The following MPDZ variants were observed in gnomAD, a reference collection of about 807,000 sequenced individuals.
MPDZ encodes multiple PDZ domain protein.
A neutral mutation model predicts 239.1 loss-of-function variants in MPDZ; 234 were observed. The ratio of observed to expected loss-of-function variants is 0.98; its 90% confidence interval spans 0.88 to 1.09. The LOEUF is 1.09. Among genes scored for constraint, MPDZ ranks in the 50% least tolerant of loss-of-function variants. The pLI is 0.00. For synonymous variants in MPDZ, 1,048 were observed against 881.3 expected, an observed-to-expected ratio of 1.19 and a Z score of -3.35; for missense variants, 3,175 against 2,510.0, an observed-to-expected ratio of 1.26 and a Z score of -5.66.
intron 26 of MPDZ, among the ~76,000 whole-genome samples, chr9:13,144,742 A>G (rs1376251018): frequency 6.6e-6 from 1 of 152,218 alleles, no homozygotes; most frequent in East Asian, 1.9e-4. Flanking sequence ...GAGGGAAGAC[A>G]GGAAAAAGAA....
At chr9:13,175,640 C>G (rs547048611) in intron 21 of MPDZ, 112 bp downstream of exon 21, 1 of 1,122,450 alleles carries the variant, frequency 8.9e-7, no homozygotes, top group Non-Finnish European at 1.3e-6. Context: ...AGGAAAATTT[C>G]TACCATCTGT....
intron 22 of MPDZ, 57 bp downstream of exon 22, chr9:13,168,309 T>C: frequency 6.7e-7 from 1 of 1,492,314 alleles, no homozygotes; most frequent in Non-Finnish European, 9.3e-7. Context: ...AAAAGAATTC[T>C]GATTAATTGA....
At chr9:13,193,883 C>T (rs1955281985) in intron 13 of MPDZ, among the ~76,000 whole-genome samples, 1 of 151,844 alleles carries the variant, frequency 6.6e-6, no homozygotes, top group Non-Finnish European at 1.5e-5. Flanking sequence ...CTACTTTATC[C>T]CTTTTATTTT....
chr9:13,165,428 C>G, intron 22 of MPDZ: 1 of 1,548,314 alleles, frequency 6.5e-7, no homozygotes, highest in South Asian at 1.2e-5. Context: ...GAAGCATACG[C>G]CGCGGCATCT....
intron 11 of MPDZ, 83 bp downstream of exon 11, chr9:13,205,833 G>C (rs1956923020): frequency 3.2e-6 from 4 of 1,255,604 alleles, no homozygotes; most frequent in Non-Finnish European, 4.3e-6. Flanking sequence ...GAACCATTCT[G>C]AAATAGTAAG....
Position 13,150,567 on chromosome 9 carries a change from C to G in MPDZ, c.3574G>C (p.Glu1192Gln). 1 of 1,571,536 alleles carries G rather than the reference C, an allele frequency of 6.4e-7. No individual in the cohort carries two copies. Among genetic ancestry groups the G allele is most frequent in the Non-Finnish European group, 8.6e-7 (1 of 1,157,196 alleles). ...CCATTTTTGCCAGCTGGACTATCTT[C>G]CAGAACATGTTTGATGAAAATGCCC... The part of the protein sequence containing the change: ...MRGIFIKHVL[E>Q]DSPAGKNGTL... Residue 1192 changes from glutamate (E) to glutamine (Q), a missense_variant, in exon 25 of 47, where the codon GAA becomes CAA. Coordinates refer to ENST00000319217, the MANE Select transcript of MPDZ (RefSeq NM_001378778.1).
Position 13,113,985 on chromosome 9 carries a change from G to C in MPDZ, c.5503C>G (p.Leu1835Val), listed in dbSNP as rs750913399. 4.2e-5 allele frequency: 67 copies of C among 1,598,536 alleles called. No individual in the cohort carries two copies. Among genetic ancestry groups the C allele is most frequent in the Non-Finnish European group, 5.6e-5 (66 of 1,172,064 alleles). ...GACTCAGATGTACTGGATCCAGAGA[G>C]TGGAAAAGTGAAAGATGACAGGCTG... Reference protein sequence around the residue: ...EGSLSSFTFPLSGSSTSESLE... With the variant: ...EGSLSSFTFPVSGSSTSESLE... The change falls in exon 41 of 47, where the codon CTC (leucine) becomes GTC (valine). Residue 1835 changes from leucine to valine, a missense_variant. Leu to Val is a conservative substitution (Grantham distance 32). Coordinates refer to ENST00000319217, the MANE Select transcript of MPDZ (RefSeq NM_001378778.1).
At chr9:13,256,945 A>T (rs1043084105) in intron 1 of MPDZ, among the ~76,000 whole-genome samples, 2 of 152,162 alleles carry the variant, frequency 1.3e-5, no homozygotes, top group Non-Finnish European at 2.9e-5. Context: ...ATAAAACAAC[A>T]TAGACCTGTA....
intron 18 of MPDZ, among the ~76,000 whole-genome samples, chr9:13,184,653 T>G (rs998411411): frequency 1.3e-5 from 2 of 151,900 alleles, no homozygotes; most frequent in Non-Finnish European, 2.9e-5. Flanking sequence ...CATACAACAA[T>G]CTAGATAGAC....
chr9:13,256,747 A>T (rs997369793), intron 1 of MPDZ, among the ~76,000 whole-genome samples: 1 of 152,222 alleles, frequency 6.6e-6, no homozygotes, highest in Non-Finnish European at 1.5e-5. Context: ...TCACTGTAAC[A>T]GACATAATAA....
chr9:13,235,719 T>C (rs545627990), intron 3 of MPDZ, among the ~76,000 whole-genome samples: 22 of 152,304 alleles, frequency 1.4e-4, no homozygotes, highest in African/African-American at 5.3e-4. Context: ...TCATTTTAAG[T>C]AATCAAAATG....
rs774661764 is a variant in MPDZ at position 13,190,255 on chromosome 9, C to A, written c.2013G>T (p.Glu671Asp). 1 of 1,610,378 alleles carries A rather than the reference C, an allele frequency of 6.2e-7. No individual in the cohort carries two copies. The highest frequency in any genetic ancestry group is 2.2e-5 in the East Asian group (1 of 44,734). Residue 671 changes from glutamate to aspartate, a missense_variant, in exon 16 of 47, where the codon GAG becomes GAT. By Grantham distance (45) the Glu-to-Asp change is conservative. Transcript: ENST00000319217. ...CATCAGTCATCGCCAGCACTGGATC[C>A]TCTGTCTCTGATGACCCGATGAACT... is the stretch of plus-strand genomic sequence containing the variant. ...LGEFIGSSET[E>D]DPVLAMTDAG...
At chr9:13,238,958 C>T (rs1433153431) in intron 3 of MPDZ, among the ~76,000 whole-genome samples, 2 of 152,080 alleles carry the variant, frequency 1.3e-5, no homozygotes, top group African/African-American at 4.8e-5. Flanking sequence ...TAAAACACTT[C>T]TGAATTTTGA....
intron 1 of MPDZ, among the ~76,000 whole-genome samples, chr9:13,253,080 C>G (rs1415069981): frequency 6.6e-6 from 1 of 152,110 alleles, no homozygotes; most frequent in Non-Finnish European, 1.5e-5. Context: ...GATTTAGAAG[C>G]TCACTGATTT....
At chr9:13,196,321 G>T (rs746276362) in intron 12 of MPDZ, 91 bp from the exon 13 acceptor site, 1 of 803,844 alleles carries the variant, frequency 1.2e-6, no homozygotes, top group South Asian at 1.7e-5. Flanking sequence ...ATCAGAACCC[G>T]CTGTATCACG....
chr9:13,217,182 A>C lies in MPDZ; in HGVS notation c.1199T>G (p.Leu400Trp). ...GAATACTTAATGTTTAAAATTACCC[A>C]ATTTTTTATCTCCAATGTAGCCAGC... is the stretch of plus-strand genomic sequence containing the variant. ...TIAGYIGDKKLEPSGIFVKSI... is the reference protein window; with the variant it reads ...TIAGYIGDKKWEPSGIFVKSI... The change falls in exon 9 of 47, where the codon TTG becomes TGG. Residue 400 changes from leucine (L) to tryptophan (W), a missense_variant and splice_region_variant. Coordinates refer to ENST00000319217, the MANE Select transcript of MPDZ (RefSeq NM_001378778.1). The C allele has an allele frequency of 1.3e-6, 2 of 1,569,420 alleles. No individual in the cohort carries two copies. The highest frequency in any genetic ancestry group is 1.7e-4 in the Middle Eastern group (1 of 5,930).
intron 12 of MPDZ, 135 bp downstream of exon 12, chr9:13,204,901 A>C (rs1181858434): frequency 2.1e-6 from 1 of 471,488 alleles, no homozygotes; most frequent in African/African-American, 2.0e-5. Context: ...ATAAACAGGG[A>C]TTTACAAACT....
intron 31 of MPDZ, chr9:13,135,891 G>C: frequency 2.4e-6 from 1 of 422,222 alleles, no homozygotes; most frequent in Non-Finnish European, 4.2e-6. Flanking sequence ...TCCCTAGGCA[G>C]ACTACAAGTA....
intron 10 of MPDZ, among the ~76,000 whole-genome samples, chr9:13,207,823 A>G (rs1037977892): frequency 6.6e-6 from 1 of 152,238 alleles, no homozygotes; most frequent in Non-Finnish European, 1.5e-5. Flanking sequence ...CCATTGGCTC[A>G]TAGGTCAAAA....
Sources: gnomAD v4.1 joint callset for allele counts (sites outside exome capture counted in the v4.1 genomes callset) on GRCh38, gnomAD v4.1.1 for gene constraint, MANE v1.5 for transcripts, NCBI Gene and HGNC (gene_info 2026-07-23, HGNC 2026-07-21) for gene names.